CDK12: variants seen among roughly 807,000 people sequenced by gnomAD.
The protein encoded by CDK12 is cyclin dependent kinase 12.
CDK12 carries 17 observed loss-of-function variants against 133.8 expected under a neutral mutation model. The observed-to-expected ratio is 0.13, with a 90% CI of 0.09 to 0.19. CDK12 has a LOEUF of 0.19. Ranked by LOEUF, CDK12 falls within the 10% of genes least tolerant of loss-of-function variation. CDK12 has a pLI of 1.00. For missense variants in CDK12, 1,508 were observed against 1,818.7 expected, an observed-to-expected ratio of 0.83 and a Z score of 3.11; for synonymous variants, 694 against 683.6, an observed-to-expected ratio of 1.02 and a Z score of -0.24.
chr17:39,565,546 G>A (rs1302406916), downstream of CDK12, among the ~76,000 whole-genome samples: 2 of 151,908 alleles, frequency 1.3e-5, no homozygotes. Flanking sequence ...CGATTCTTCT[G>A]CCTCAGCCTC....
chr17:39,490,304 T>G lies in CDK12; in HGVS notation c.1932-253T>G, dbSNP rs181209263. Among the ~76,000 whole-genome samples, 18 of 151,800 alleles carry G rather than the reference T, an allele frequency of 1.2e-4. No homozygotes were observed. The East Asian group carries it at 3.1e-3, about 26-fold the overall frequency. On this transcript the variant is annotated intron_variant, in intron 2 of 13. Coordinates refer to ENST00000447079, the MANE Select transcript of CDK12 (RefSeq NM_016507.4). ...ATCACTTGAACCCAGGAGGCAGAGG[T>G]TGTAGTGAGCCAAGATCACGCCACT... is the stretch of plus-strand genomic sequence containing the variant.
chr17:39,504,002 A>G (rs908371755), intron 6 of CDK12, among the ~76,000 whole-genome samples: 3 of 152,204 alleles, frequency 2.0e-5, no homozygotes, highest in African/African-American at 7.2e-5. Flanking sequence ...ATAAATGGTC[A>G]GTGCTGGAAA....
At chr17:39,521,769 C>G (rs1057463660) in intron 11 of CDK12, among the ~76,000 whole-genome samples, 2 of 152,124 alleles carry the variant, frequency 1.3e-5, no homozygotes, top group Admixed American at 6.5e-5. Context: ...ACCATGTTGG[C>G]CAAGGTGGTC....
At position 39,471,474 on chromosome 17, in the gene CDK12, A is replaced by T; in HGVS notation, c.1642A>T (p.Thr548Ser). ...PLPTTTPPPQTPPLPPLPPIP... is the reference protein window; with the variant it reads ...PLPTTTPPPQSPPLPPLPPIP... Reference sequence around the variant, plus strand: ...ACCAACTACTACCCCTCCACCTCAGACACCCCCTTTGCCACCTTTGCCTCC... The same window carrying T: ...ACCAACTACTACCCCTCCACCTCAGTCACCCCCTTTGCCACCTTTGCCTCC... Residue 548 changes from threonine (T) to serine (S), a missense_variant, in exon 2 of 14, where the codon ACA becomes TCA. Thr to Ser is a moderately conservative substitution (Grantham distance 58). Transcript: ENST00000447079. 1 of 1,610,466 alleles carries T rather than the reference A, an allele frequency of 6.2e-7. No individual in the cohort carries two copies.
At chr17:39,484,345 T>TA (rs1273717125) in intron 2 of CDK12, among the ~76,000 whole-genome samples, 1 of 152,168 alleles carries the variant, frequency 6.6e-6, no homozygotes, top group African/African-American at 2.4e-5. Flanking sequence ...AACTAGGAAA[T>TA]ACTGATATAG....
chr17:39,479,164 C>T (rs1039206212), intron 2 of CDK12, among the ~76,000 whole-genome samples: 8 of 151,868 alleles, frequency 5.3e-5, no homozygotes, highest in Non-Finnish European at 7.4e-5. Flanking sequence ...AAAAATTAGC[C>T]GGGCATGGTG....
chr17:39,509,690 T>G lies in CDK12; in HGVS notation c.2610-15T>G. 6.2e-7 allele frequency: 1 copy of G among 1,606,208 alleles called. No homozygotes were observed. Among genetic ancestry groups the G allele is most frequent in the Non-Finnish European group, 8.5e-7 (1 of 1,172,802 alleles). On this transcript the variant is annotated splice_polypyrimidine_tract_variant and intron_variant, in intron 6 of 13. Coordinates refer to ENST00000447079, the MANE Select transcript of CDK12 (RefSeq NM_016507.4). The stretch of plus-strand genomic sequence containing the variant: ...CTGCTATGGCTTATGAAAATAATTG[T>G]TTTTTGTTTTACAGTGGGCAAATCA...
intron 2 of CDK12, among the ~76,000 whole-genome samples, chr17:39,554,677 G>A (rs181510531): frequency 1.3e-5 from 2 of 151,950 alleles, no homozygotes; most frequent in Non-Finnish European, 2.9e-5. Context: ...TCAGGAGATA[G>A]AGACCCTCCT....
chr17:39,527,292 G>A (rs2054552785), intron 13 of CDK12, among the ~76,000 whole-genome samples: 1 of 152,222 alleles, frequency 6.6e-6, no homozygotes, highest in African/African-American at 2.4e-5. Flanking sequence ...GGAAAGTGTA[G>A]AGATGCCGTA....
chr17:39,475,490 A>G (rs2050120860), intron 2 of CDK12, among the ~76,000 whole-genome samples: 1 of 152,082 alleles, frequency 6.6e-6, no homozygotes, highest in Non-Finnish European at 1.5e-5. Context: ...TTTTAATTAA[A>G]AAGTAATAAC....
At chr17:39,562,589 T>G (rs2056411571) in intron 3 of CDK12, among the ~76,000 whole-genome samples, 1 of 152,182 alleles carries the variant, frequency 6.6e-6, no homozygotes, top group South Asian at 2.1e-4. Flanking sequence ...GTTTTTTATG[T>G]GATTACAGGC....
At chr17:39,464,935 G>C (rs1412449259) in intron 1 of CDK12, among the ~76,000 whole-genome samples, 2 of 150,430 alleles carry the variant, frequency 1.3e-5, no homozygotes, top group African/African-American at 4.9e-5. Flanking sequence ...CTGAGCAACA[G>C]AGTGAGACCC....
chr17:39,498,877 T>C (rs1264840545), intron 5 of CDK12, among the ~76,000 whole-genome samples: 2 of 116 alleles, frequency 0.017, 1 homozygote, highest in Non-Finnish European at 0.026. Context: ...GATTTTCTCT[T>C]TCTTTCTTTC....
chr17:39,527,793 C>T (rs547952732), intron 13 of CDK12, among the ~76,000 whole-genome samples: 5 of 152,246 alleles, frequency 3.3e-5, no homozygotes, highest in South Asian at 2.1e-4. Context: ...GTGATCTGCC[C>T]GCCTCAGCCT....
intron 11 of CDK12, among the ~76,000 whole-genome samples, chr17:39,523,294 T>C (rs1445734631): frequency 6.6e-6 from 1 of 151,954 alleles, no homozygotes; most frequent in East Asian, 1.9e-4. Context: ...GCCAACATAG[T>C]GAAACCCCGT....
chr17:39,476,711 C>CATTTTTTTTT (rs1555553398), intron 2 of CDK12, among the ~76,000 whole-genome samples: 27,485 of 84,448 alleles, frequency 0.33, 10,030 homozygotes, highest in South Asian at 0.41. Context: ...CCATGCCTGC[C>CATTTTTTTTT]TTTTTTTTTT....
At position 39,482,015 on chromosome 17, in the gene CDK12, C is replaced by CATTTTTTTTTTTT. The variant is rs773073791; in HGVS notation, c.1932-8542_1932-8541insATTTTTTTTTTTT. Among the ~76,000 whole-genome samples, 98 of 96,254 alleles carry CATTTTTTTTTTTT rather than the reference C, an allele frequency of 1.0e-3. 17 individuals are homozygous for CATTTTTTTTTTTT. Among genetic ancestry groups the CATTTTTTTTTTTT allele is most frequent in the African/African-American group, 2.0e-3 (60 of 30,282 alleles). The allele number at this position is 96,254 out of a possible 152,430, so 63.1% of individuals were successfully genotyped here. A position where few individuals can be genotyped will look rare whatever the true frequency, so the allele number is the denominator to read the frequency against. On this transcript the variant is annotated intron_variant, in intron 2 of 13. Coordinates refer to ENST00000447079, the MANE Select transcript of CDK12 (RefSeq NM_016507.4). ...GATTACAGGCATGAGCCTGGCTTGC[C>CATTTTTTTTTTTT]TTTTTTTTTTTTTTTTAACAGAGTT...
downstream of CDK12, chr17:39,534,712 G>A: frequency 5.2e-6 from 1 of 192,668 alleles, no homozygotes; most frequent in Non-Finnish European, 1.1e-5. Flanking sequence ...ATTTGAAGAG[G>A]TGCTTGAAAA....
At position 39,532,675 on chromosome 17, in the gene CDK12, C is replaced by T; in HGVS notation, c.*1359C>T. ...CCCACATCCCAGCATGTGTACCCTGCCAGTTCTTTTAGGGATTTTTCCTCC... is the reference window on the plus strand; with the variant it reads ...CCCACATCCCAGCATGTGTACCCTGTCAGTTCTTTTAGGGATTTTTCCTCC... On this transcript the variant is annotated 3_prime_UTR_variant, in exon 14 of 14. Coordinates refer to ENST00000447079, the MANE Select transcript of CDK12 (RefSeq NM_016507.4). 1 of 232,644 alleles carries T rather than the reference C, an allele frequency of 4.3e-6. No individual in the cohort carries two copies. Among genetic ancestry groups the T allele is most frequent in the Non-Finnish European group, 8.5e-6 (1 of 117,642 alleles). The allele number at this position is 232,644 out of a possible 1,614,324, so 14.4% of individuals were successfully genotyped here. A position where few individuals can be genotyped will look rare whatever the true frequency, so the allele number is the denominator to read the frequency against.
Sources: gnomAD v4.1 joint callset for allele counts (sites outside exome capture counted in the v4.1 genomes callset) on GRCh38, gnomAD v4.1.1 for gene constraint, MANE v1.5 for transcripts, NCBI Gene and HGNC (gene_info 2026-07-23, HGNC 2026-07-21) for gene names.